Variants in ATP6V1E2 observed in about 807,000 individuals in gnomAD.
The protein encoded by ATP6V1E2 is ATPase H+ transporting V1 subunit E2.
For synonymous variants in ATP6V1E2, 121 were observed against 104.2 expected, an observed-to-expected ratio of 1.16 and a Z score of -0.98; for missense variants, 308 against 273.3, an observed-to-expected ratio of 1.13 and a Z score of -0.90.
intron 2 of ATP6V1E2, 66 bp downstream of exon 2, chr2:46,541,323 CG>C (rs1667756465): frequency 2.0e-5 from 3 of 152,260 alleles, no homozygotes. Flanking sequence ...CATACCTAGT[CG>C]CAGACACGCA....
intron 4 of ATP6V1E2, among the ~76,000 whole-genome samples, 196 bp from the exon 5 acceptor site, chr2:46,513,008 T>C (rs1294452982): frequency 6.6e-6 from 1 of 152,164 alleles, no homozygotes; most frequent in Non-Finnish European, 1.5e-5. Flanking sequence ...CTACACTCAC[T>C]CTCATTGTTA....
intron 4 of ATP6V1E2, among the ~76,000 whole-genome samples, chr2:46,522,159 G>C (rs1336545862): frequency 6.6e-6 from 1 of 151,702 alleles, no homozygotes; most frequent in Non-Finnish European, 1.5e-5. Flanking sequence ...GAATGATGGT[G>C]TGCGCCTGTG....
At position 46,512,478 on chromosome 2, in the gene ATP6V1E2, C is replaced by G. The variant is rs2103815567; in HGVS notation, c.234G>C (p.Gln78His). The G allele has an allele frequency of 6.2e-7, 1 of 1,614,206 alleles. No individual in the cohort carries two copies. The highest frequency in any genetic ancestry group is 1.1e-5 in the South Asian group (1 of 91,086). Residue 78 changes from glutamine to histidine, a missense_variant, in exon 5 of 5, where the codon CAG becomes CAC. By Grantham distance (24) the Gln-to-His change is conservative (BLOSUM62 0). Coordinates refer to ENST00000522587, the MANE Select transcript of ATP6V1E2 (RefSeq NM_001318063.2). ...KKILMSTMRN[Q>H]ARLKVLRARN... Reference sequence around the variant, plus strand: ...GGGCTCTCAGGACTTTCAGCCTCGCCTGATTCCTCATGGTGGACATCAGGA... The same window carrying G: ...GGGCTCTCAGGACTTTCAGCCTCGCGTGATTCCTCATGGTGGACATCAGGA...
rs867094364 is a variant in ATP6V1E2, at chr2:46,529,531, G to A, written c.-102+6282C>T. ...GTGCTTTGGAAGGCCAAGGCAGGAG[G>A]ATTGCTTGAGGCCAGGAGTTTGAGA... On this transcript the variant is annotated intron_variant, in intron 4 of 4. Transcript: ENST00000522587. 2.0e-5 allele frequency among the ~76,000 whole-genome samples: 3 copies of A among 152,348 alleles called. No individual in the cohort carries two copies. The Middle Eastern group carries it at 0.01, about 518-fold the overall frequency.
intron 2 of ATP6V1E2, among the ~76,000 whole-genome samples, chr2:46,538,707 C>T (rs1209378212): frequency 6.6e-6 from 1 of 152,060 alleles, no homozygotes; most frequent in African/African-American, 2.4e-5. Context: ...CTTGGACTGG[C>T]TACTTTGTGA....
intron 4 of ATP6V1E2, among the ~76,000 whole-genome samples, chr2:46,518,440 G>T (rs1380616781): frequency 6.7e-6 from 1 of 149,988 alleles, no homozygotes; most frequent in Non-Finnish European, 1.5e-5. Flanking sequence ...CGTACATACA[G>T]TTAACAGTAC....
At chr2:46,514,672 A>T (rs1260486516) in intron 4 of ATP6V1E2, among the ~76,000 whole-genome samples, 1 of 152,190 alleles carries the variant, frequency 6.6e-6, no homozygotes, top group Non-Finnish European at 1.5e-5. Context: ...GACATCATCA[A>T]GCAGACCAAT....
Position 46,511,992 on chromosome 2 carries a change from T to C in ATP6V1E2, c.*39A>G, listed in dbSNP as rs375811772. On this transcript the variant is annotated 3_prime_UTR_variant, in exon 5 of 5. Coordinates refer to ENST00000522587, the MANE Select transcript of ATP6V1E2 (RefSeq NM_001318063.2). Reference sequence around the variant, plus strand: ...TTTCCCCAAAAAACTTAAACTTTTATGGTTTAGTGGTTCAACACTAGCTTC... The same window carrying C: ...TTTCCCCAAAAAACTTAAACTTTTACGGTTTAGTGGTTCAACACTAGCTTC... 2.0e-6 allele frequency: 3 copies of C among 1,512,352 alleles called. No homozygotes were observed. The African/African-American group carries it at 4.2e-5, about 21-fold the overall frequency. The allele number at this position is 1,512,352 out of a possible 1,614,324, so 93.7% of individuals were successfully genotyped here.
intron 4 of ATP6V1E2, among the ~76,000 whole-genome samples, chr2:46,528,674 T>A (rs762779863): frequency 1.3e-5 from 2 of 152,280 alleles, no homozygotes; most frequent in Middle Eastern, 3.4e-3. Context: ...CATCAGAGGT[T>A]CAGACCCCAG....
At chr2:46,517,304 C>T (rs1387035581) in intron 4 of ATP6V1E2, among the ~76,000 whole-genome samples, 1 of 152,076 alleles carries the variant, frequency 6.6e-6, no homozygotes, top group African/African-American at 2.4e-5. Flanking sequence ...AAATTGGACC[C>T]TTATTTTAAG....
intron 2 of ATP6V1E2, among the ~76,000 whole-genome samples, chr2:46,537,949 G>T (rs1667532197): frequency 6.6e-6 from 1 of 152,074 alleles, no homozygotes; most frequent in South Asian, 2.1e-4. Flanking sequence ...AGAAGAAGTG[G>T]GAAGATAACA....
chr2:46,540,299 G>A (rs1172621383), intron 2 of ATP6V1E2, among the ~76,000 whole-genome samples: 1 of 152,062 alleles, frequency 6.6e-6, no homozygotes, highest in African/African-American at 2.4e-5. Flanking sequence ...GCACATGCCT[G>A]TAATCCCAGC....
rs1370386687 is a variant in ATP6V1E2 at position 46,530,700 on chromosome 2, G to A, written c.-102+5113C>T. 6.6e-6 allele frequency among the ~76,000 whole-genome samples: 1 copy of A among 152,170 alleles called. No individual in the cohort carries two copies. Among genetic ancestry groups the A allele is most frequent in the African/African-American group, 2.4e-5 (1 of 41,436 alleles). On this transcript the variant is annotated intron_variant, in intron 4 of 4. Transcript: ENST00000522587. The surrounding 1 kb of genome is among the most constrained non-coding windows in gnomAD (Gnocchi z 5.2). ...ACTGGGTAATATATAAAGGAAAGAG[G>A]TTTCATTGACTCACAGTTCAGCATG...
At chr2:46,517,882 C>A (rs1258770886) in intron 4 of ATP6V1E2, among the ~76,000 whole-genome samples, 4 of 152,170 alleles carry the variant, frequency 2.6e-5, no homozygotes, top group Non-Finnish European at 5.9e-5. Flanking sequence ...TGTGCAGAAA[C>A]TGGAACTCCT....
At position 46,533,938 on chromosome 2, in the gene ATP6V1E2, ATC is replaced by A. The variant is rs200484480; in HGVS notation, c.-102+1873_-102+1874del. ...TTTCTGAAGAGAAGTCTGCAATTATATCTGTCTTTGTTCCCTGTATAAAATGT... is the reference window on the plus strand; with the variant it reads ...TTTCTGAAGAGAAGTCTGCAATTATATGTCTTTGTTCCCTGTATAAAATGT... On this transcript the variant is annotated intron_variant, in intron 4 of 4. Coordinates refer to ENST00000522587, the MANE Select transcript of ATP6V1E2 (RefSeq NM_001318063.2). Among the ~76,000 whole-genome samples, 1,238 of 152,252 alleles carry A rather than the reference ATC, an allele frequency of 8.1e-3. 25 individuals are homozygous for A. Among genetic ancestry groups the A allele is most frequent in the African/African-American group, 0.028 (1,154 of 41,536 alleles).
intron 4 of ATP6V1E2, among the ~76,000 whole-genome samples, chr2:46,520,112 C>T (rs944704338): frequency 7.2e-5 from 11 of 152,166 alleles, no homozygotes; most frequent in African/African-American, 2.4e-4. Context: ...GAATCTGCAT[C>T]CTGAGTTCTT....
At position 46,512,152 on chromosome 2, in the gene ATP6V1E2, T is replaced by C. The variant is rs757355804; in HGVS notation, c.560A>G (p.Asn187Ser). ...GGTATTTGAAACCTTTATTCTCTGA[T>C]TGCCACTGTAGACCTCCACACCTCC... The part of the protein sequence containing the change: ...AAGGVEVYSG[N>S]QRIKVSNTLE... Residue 187 changes from asparagine (N) to serine (S), a missense_variant, in exon 5 of 5, where the codon AAT (asparagine) becomes AGT (serine). Coordinates refer to ENST00000522587, the MANE Select transcript of ATP6V1E2 (RefSeq NM_001318063.2). The C allele has an allele frequency of 5.6e-6, 9 of 1,614,082 alleles. No individual in the cohort carries two copies. The South Asian group carries it at 8.8e-5, about 16-fold the overall frequency.
chr2:46,522,408 A>G (rs1216772480), intron 4 of ATP6V1E2, among the ~76,000 whole-genome samples: 1 of 151,988 alleles, frequency 6.6e-6, no homozygotes, highest in African/African-American at 2.4e-5. Flanking sequence ...CCACCCCCCA[A>G]AAAGCCCTGG....
chr2:46,535,368 T>G lies in ATP6V1E2; in HGVS notation c.-102+445A>C, dbSNP rs2103931487. 1 of 152,290 alleles carries G rather than the reference T, an allele frequency of 6.6e-6. No homozygotes were observed. The allele number at this position is 152,290 out of a possible 1,614,324, so 9.4% of individuals were successfully genotyped here. On this transcript the variant is annotated intron_variant, in intron 4 of 4. Transcript: ENST00000522587. This position sits in a 1 kb window ranked among gnomAD's most constrained non-coding sequence, Gnocchi z 4.4. The stretch of plus-strand genomic sequence containing the variant: ...CCAGTCTCTTCTCAGGAGCCTGGGT[T>G]GCAAGCAACAGAAGCTGTTTGTGGC...
Sources: allele counts gnomAD v4.1 joint callset (sites outside exome capture counted in the v4.1 genomes callset), GRCh38; gene constraint gnomAD v4.1.1; non-coding constraint Gnocchi (gnomAD v3.1); transcripts MANE v1.5; gene names NCBI Gene and HGNC (gene_info 2026-07-23, HGNC 2026-07-21).